EYS: variants seen among roughly 807,000 people sequenced by gnomAD.
EYS encodes EGF-like photoreceptor maintenance factor, also known as protein eyes shut homolog.
Under a neutral mutation model 282.1 loss-of-function variants are expected in EYS, and 250 were observed. The observed-to-expected ratio is 0.89, with a 90% CI of 0.80 to 0.98. The LOEUF (loss-of-function observed/expected upper bound fraction) is 0.98, where lower values mean the gene tolerates loss of function less well. Ranked by LOEUF, EYS falls within the 50% of genes least tolerant of loss-of-function variation. EYS has a pLI of 0.00. For missense variants in EYS, 4,016 were observed against 3,709.0 expected (o/e 1.08, Z -2.15); for synonymous variants, 1,355 against 1,282.9 (o/e 1.06, Z -1.20).
intron 2 of EYS, among the ~76,000 whole-genome samples, chr6:65,519,708 A>ATATATATATATAT (rs1554205854): frequency 2.3e-5 from 1 of 42,562 alleles, no homozygotes; most frequent in African/African-American, 1.3e-4. Flanking sequence ...ATATATATAT[A>ATATATATATATAT]TTTTTTTTTT....
chr6:64,472,711 A>G (rs1301324611), intron 26 of EYS, among the ~76,000 whole-genome samples: 2 of 152,182 alleles, frequency 1.3e-5, no homozygotes, highest in African/African-American at 4.8e-5. Context: ...AGTATTTCTC[A>G]AATACCAATT....
chr6:64,876,352 T>C (rs531564316), intron 19 of EYS, among the ~76,000 whole-genome samples: 2 of 152,222 alleles, frequency 1.3e-5, no homozygotes, highest in South Asian at 4.1e-4. Flanking sequence ...AGAAGAAAAT[T>C]AAAAGAGAAA....
In EYS at chr6:64,686,853, A is replaced by G. The variant is rs368938624; in HGVS notation, c.3444-60608T>C. Among the ~76,000 whole-genome samples the G allele has an allele frequency of 6.4e-3, 125 of 19,524 alleles. 12 individuals carry two copies. The highest frequency in any genetic ancestry group is 0.019 in the East Asian group (21 of 1,102). 12.8% of individuals were successfully genotyped at this position (19,524 alleles called of 152,430 possible). ...TATATATATACGTGTATATATATAT[A>G]TGTGTATATATATACGTGTATATAT... On this transcript the variant is annotated intron_variant, in intron 22 of 42. Coordinates refer to ENST00000503581, the MANE Select transcript of EYS (RefSeq NM_001142800.2).
chr6:65,395,624 C>T (rs906659402), intron 7 of EYS, among the ~76,000 whole-genome samples: 7 of 152,018 alleles, frequency 4.6e-5, no homozygotes, highest in Admixed American at 2.6e-4. Flanking sequence ...CATTAATTCC[C>T]CAGAAGTTAT....
intron 5 of EYS, among the ~76,000 whole-genome samples, chr6:65,445,644 T>C (rs1490954256): frequency 6.6e-6 from 1 of 151,808 alleles, no homozygotes; most frequent in Non-Finnish European, 1.5e-5. Context: ...GTTAATAAGA[T>C]GTGTACTAAG....
At chr6:65,341,315 A>G (rs570998611) in intron 10 of EYS, among the ~76,000 whole-genome samples, 8 of 151,332 alleles carry the variant, frequency 5.3e-5, no homozygotes, top group Middle Eastern at 3.4e-3. Context: ...GCTTGCTGAC[A>G]TAAGTTTTCA....
At chr6:64,113,940 A>G (rs1440329907) in intron 31 of EYS, among the ~76,000 whole-genome samples, 1 of 152,152 alleles carries the variant, frequency 6.6e-6, no homozygotes, top group Non-Finnish European at 1.5e-5. Flanking sequence ...ATGCCCATTC[A>G]TTTACATATT....
intron 2 of EYS, among the ~76,000 whole-genome samples, chr6:65,504,463 T>G (rs1490219303): frequency 6.6e-6 from 1 of 151,770 alleles, no homozygotes; most frequent in African/African-American, 2.4e-5. Context: ...TGAGAGGACA[T>G]TCTTGCCTTG....
At chr6:65,369,264 T>C (rs1765033198) in intron 8 of EYS, among the ~76,000 whole-genome samples, 2 of 142,358 alleles carry the variant, frequency 1.4e-5, no homozygotes, top group South Asian at 2.2e-4. Context: ...AGTGTGTGTG[T>C]GTATATATAT....
chr6:64,376,632 T>A (rs550571858), intron 29 of EYS, among the ~76,000 whole-genome samples: 210 of 152,304 alleles, frequency 1.4e-3, no homozygotes, highest in African/African-American at 4.9e-3. Flanking sequence ...TTTCATTGCT[T>A]CCACTACAGC....
intron 28 of EYS, chr6:64,412,526 A>C (rs1209170026): frequency 6.6e-6 from 1 of 152,148 alleles, no homozygotes; most frequent in Non-Finnish European, 1.5e-5. Flanking sequence ...AGGAGAAGGC[A>C]TTTGAGATGC....
In EYS at chr6:65,352,284, C is replaced by T. The variant is rs77815200; in HGVS notation, c.1459+1174G>A. On this transcript the variant is annotated intron_variant, in intron 9 of 42. Transcript: ENST00000503581. The stretch of plus-strand genomic sequence containing the variant: ...TAGAAATTCAGCTGCTGTTGGTTAG[C>T]TGTTACTCAAAAACAGACACATCAA... Among the ~76,000 whole-genome samples the T allele has an allele frequency of 9.3e-3, 1,419 of 152,026 alleles. 22 individuals carry two copies. The highest frequency in any genetic ancestry group is 0.029 in the African/African-American group (1,225 of 41,558).
At chr6:64,088,839 C>T (rs1202947776) in intron 31 of EYS, among the ~76,000 whole-genome samples, 1 of 151,910 alleles carries the variant, frequency 6.6e-6, no homozygotes, top group East Asian at 1.9e-4. Flanking sequence ...CCTTTGTCTA[C>T]AGCACAAATC....
intron 24 of EYS, among the ~76,000 whole-genome samples, chr6:64,602,303 G>T (rs1220756162): frequency 2.0e-5 from 3 of 151,958 alleles, no homozygotes; most frequent in African/African-American, 7.2e-5. Context: ...TTAAAGAGTT[G>T]AGCAAGCAAA....
chr6:64,840,210 A>T (rs1445252790), intron 19 of EYS, among the ~76,000 whole-genome samples: 1 of 152,102 alleles, frequency 6.6e-6, no homozygotes, highest in African/African-American at 2.4e-5. Flanking sequence ...TTATTGCTAT[A>T]AGATTATCAT....
chr6:63,908,454 C>G (rs1385591265), intron 35 of EYS, among the ~76,000 whole-genome samples: 1 of 151,908 alleles, frequency 6.6e-6, no homozygotes, highest in East Asian at 1.9e-4. Context: ...TTTGTTTGTT[C>G]TTTTTTATTT....
chr6:65,559,413 A>C (rs1326686434), intron 2 of EYS, among the ~76,000 whole-genome samples: 1 of 152,140 alleles, frequency 6.6e-6, no homozygotes, highest in African/African-American at 2.4e-5. Context: ...GAAAAGAAAA[A>C]AAATTTTTTT....
intron 38 of EYS, 119 bp from the exon 39 acceptor site, chr6:63,788,368 T>G (rs1770422303): frequency 5.2e-6 from 4 of 762,690 alleles, no homozygotes; most frequent in Admixed American, 3.2e-5. Flanking sequence ...GACCTGAATT[T>G]TGAAGAAATA....
At chr6:64,450,293 A>C (rs973856389) in intron 26 of EYS, among the ~76,000 whole-genome samples, 4 of 152,196 alleles carry the variant, frequency 2.6e-5, no homozygotes, top group African/African-American at 9.7e-5. Flanking sequence ...GGATCAATTC[A>C]ACAAGAAGAA....
Sources: gnomAD v4.1 joint callset for allele counts (sites outside exome capture counted in the v4.1 genomes callset) on GRCh38, gnomAD v4.1.1 for gene constraint, MANE v1.5 for transcripts, NCBI Gene and HGNC (gene_info 2026-07-23, HGNC 2026-07-21) for gene names.